Variants in ADGRB3 observed in about 807,000 individuals in gnomAD.
ADGRB3 encodes the protein adhesion G protein-coupled receptor B3, also known as brain-specific angiogenesis inhibitor 3.
Under a neutral mutation model 193.4 loss-of-function variants are expected in ADGRB3, and 37 were observed. That is an observed-to-expected ratio of 0.19 (90% CI 0.15 to 0.25). The LOEUF is 0.25. Ranked by LOEUF, ADGRB3 falls within the 10% of genes least tolerant of loss-of-function variation. ADGRB3 has a pLI of 1.00. For missense variants in ADGRB3, 1,637 were observed against 1,852.9 expected, an observed-to-expected ratio of 0.88 and a Z score of 2.14; for synonymous variants, 690 against 644.2, an observed-to-expected ratio of 1.07 and a Z score of -1.08.
intron 17 of ADGRB3, among the ~76,000 whole-genome samples, chr6:69,119,935 A>C (rs1773637933): frequency 6.6e-6 from 1 of 152,200 alleles, no homozygotes; most frequent in Non-Finnish European, 1.5e-5. Flanking sequence ...GAGGCCAGAC[A>C]GGAGTCTATT....
chr6:69,189,685 G>A (rs1206660413), intron 17 of ADGRB3, among the ~76,000 whole-genome samples: 2 of 152,164 alleles, frequency 1.3e-5, no homozygotes, highest in African/African-American at 2.4e-5. Flanking sequence ...CTGCTAAAAT[G>A]AGTCAGCAGT....
intron 18 of ADGRB3, 55 bp downstream of exon 18, chr6:69,233,471 A>G (rs1766195314): frequency 2.5e-6 from 4 of 1,606,566 alleles, no homozygotes; most frequent in Admixed American, 3.4e-5. Flanking sequence ...TATTGTGGCT[A>G]GTGTTTCTCC....
At chr6:69,216,155 A>G (rs1394422440) in intron 17 of ADGRB3, among the ~76,000 whole-genome samples, 1 of 152,072 alleles carries the variant, frequency 6.6e-6, no homozygotes, top group Non-Finnish European at 1.5e-5. Context: ...TTGCCTGAAA[A>G]TAGGTAGGCA....
chr6:68,785,491 A>G (rs570722880), intron 3 of ADGRB3, among the ~76,000 whole-genome samples: 2 of 151,456 alleles, frequency 1.3e-5, no homozygotes, highest in African/African-American at 2.4e-5. Flanking sequence ...TGAACTCATC[A>G]TTTTTTATGG....
At chr6:69,115,534 G>A (rs536941279) in intron 17 of ADGRB3, among the ~76,000 whole-genome samples, 2 of 152,226 alleles carry the variant, frequency 1.3e-5, no homozygotes, top group African/African-American at 2.4e-5. Context: ...ACCACGGCAC[G>A]TGTATAACTA....
chr6:69,380,252 G>C (rs1769918930), intron 30 of ADGRB3, among the ~76,000 whole-genome samples: 1 of 151,984 alleles, frequency 6.6e-6, no homozygotes, highest in Non-Finnish European at 1.5e-5. Flanking sequence ...TGAAATAACT[G>C]TTGGAAGGGG....
At chr6:69,075,909 C>A in intron 16 of ADGRB3, 86 bp from the exon 17 acceptor site, 2 of 974,106 alleles carry the variant, frequency 2.1e-6, no homozygotes, top group Non-Finnish European at 3.2e-6. Flanking sequence ...AAGAAATCTT[C>A]CATTCTGTTT....
At chr6:69,128,688 C>T (rs532956350) in intron 17 of ADGRB3, among the ~76,000 whole-genome samples, 1 of 152,274 alleles carries the variant, frequency 6.6e-6, no homozygotes, top group East Asian at 1.9e-4. Flanking sequence ...ACTATTTTCT[C>T]TTCAGACTCT....
chr6:68,807,235 C>CTTTTTTTTTTTTTTTT lies in ADGRB3; in HGVS notation c.758-123319_758-123304dup, dbSNP rs771342538. Among the ~76,000 whole-genome samples the CTTTTTTTTTTTTTTTT allele has an allele frequency of 1.6e-3, 165 of 100,180 alleles. 1 individual carries two copies. The highest frequency in any genetic ancestry group is 2.4e-3 in the African/African-American group (64 of 26,748). The allele number at this position is 100,180 out of a possible 152,430, so 65.7% of individuals were successfully genotyped here. On this transcript the variant is annotated intron_variant, in intron 3 of 31. Coordinates refer to ENST00000370598, the MANE Select transcript of ADGRB3 (RefSeq NM_001704.3). ...TTTTTCTTTTTCTTTTTTCTTTTTT[C>CTTTTTTTTTTTTTTTT]TTTTTTTTTTTTTTTTTTTTGAGAC...
chr6:69,178,123 A>T (rs985987448), intron 17 of ADGRB3, among the ~76,000 whole-genome samples: 3 of 152,174 alleles, frequency 2.0e-5, no homozygotes, highest in African/African-American at 4.8e-5. Flanking sequence ...CCAATGTGGT[A>T]TGCATATATA....
chr6:68,996,662 A>T (rs778313685), intron 11 of ADGRB3, among the ~76,000 whole-genome samples: 4 of 152,142 alleles, frequency 2.6e-5, no homozygotes, highest in African/African-American at 4.8e-5. Flanking sequence ...GGCTTCGTCT[A>T]TCTCAATCTG....
chr6:68,686,180 G>A (rs1422565939), intron 3 of ADGRB3, among the ~76,000 whole-genome samples: 1 of 152,180 alleles, frequency 6.6e-6, no homozygotes, highest in African/African-American at 2.4e-5. Flanking sequence ...TGACAGTAAT[G>A]AGCAGAAGCA....
intron 3 of ADGRB3, among the ~76,000 whole-genome samples, chr6:68,765,185 C>T (rs1466390323): frequency 6.6e-6 from 1 of 151,826 alleles, no homozygotes. Flanking sequence ...TATCTTTTTG[C>T]CCTCATTGGA....
At chr6:68,959,428 C>G (rs1226199565) in intron 8 of ADGRB3, among the ~76,000 whole-genome samples, 2 of 152,052 alleles carry the variant, frequency 1.3e-5, no homozygotes, top group Non-Finnish European at 2.9e-5. Flanking sequence ...AATTTTTCTT[C>G]AAGTTGCTGA....
chr6:69,285,267 T>C (rs1340129468), intron 20 of ADGRB3, among the ~76,000 whole-genome samples: 1 of 152,134 alleles, frequency 6.6e-6, no homozygotes, highest in East Asian at 1.9e-4. Flanking sequence ...TCTTGATAAG[T>C]TCATTTGTAG....
chr6:68,954,683 CTT>C (rs146229021), intron 6 of ADGRB3, among the ~76,000 whole-genome samples: 5 of 140,658 alleles, frequency 3.6e-5, no homozygotes, highest in Admixed American at 7.1e-5. Flanking sequence ...CGTTCAATGG[CTT>C]TTTTTTTTTT....
chr6:69,136,433 C>A (rs773089570), intron 17 of ADGRB3, among the ~76,000 whole-genome samples: 1 of 152,116 alleles, frequency 6.6e-6, no homozygotes, highest in Non-Finnish European at 1.5e-5. Context: ...ATATGTGGAG[C>A]AGCCTGTGCT....
chr6:69,081,278 A>G (rs3799026), intron 17 of ADGRB3, among the ~76,000 whole-genome samples: 4,992 of 152,098 alleles, frequency 0.033, 135 homozygotes, highest in East Asian at 0.097. Context: ...TGAAAATACT[A>G]GACCTTTACA....
At chr6:69,113,343 TTA>T (rs1156965084) in intron 17 of ADGRB3, among the ~76,000 whole-genome samples, 2 of 152,020 alleles carry the variant, frequency 1.3e-5, no homozygotes, top group African/African-American at 2.4e-5. Context: ...TCACACATAT[TTA>T]TATGTGTATA....
Sources: allele counts gnomAD v4.1 joint callset (sites outside exome capture counted in the v4.1 genomes callset), GRCh38; gene constraint gnomAD v4.1.1; transcripts MANE v1.5; gene names NCBI Gene and HGNC (gene_info 2026-07-23, HGNC 2026-07-21).